Variants in CFAP299 observed in about 807,000 individuals in gnomAD.
CFAP299 encodes the protein cilia- and flagella-associated protein 299.
A neutral mutation model predicts 27.0 loss-of-function variants in CFAP299; 21 were observed. The ratio of observed to expected loss-of-function variants is 0.78; its 90% CI spans 0.55 to 1.12. CFAP299 has a LOEUF of 1.12. Among genes scored for constraint, CFAP299 ranks in the 50% most tolerant of loss-of-function variants. The probability of loss-of-function intolerance (pLI) is 0.00; values close to 1 mark genes in which losing one functional copy is unlikely to be tolerated. For synonymous variants in CFAP299, 104 were observed against 98.1 expected (o/e 1.06, Z -0.36); for missense variants, 310 against 276.6 (o/e 1.12, Z -0.86).
chr4:80,651,368 T>C (rs1329048517), intron 3 of CFAP299, among the ~76,000 whole-genome samples: 1 of 107,434 alleles, frequency 9.3e-6, no homozygotes, highest in Non-Finnish European at 1.8e-5. Context: ...CTTCTTCTTC[T>C]TTTTTTTTTT....
chr4:80,852,595 G>T (rs77892638), intron 3 of CFAP299, among the ~76,000 whole-genome samples: 1 of 152,138 alleles, frequency 6.6e-6, no homozygotes, highest in African/African-American at 2.4e-5. Context: ...ATTAATTTAC[G>T]TGATTCCTTT....
intron 3 of CFAP299, among the ~76,000 whole-genome samples, chr4:80,719,890 C>A (rs1467493935): frequency 6.6e-6 from 1 of 152,144 alleles, no homozygotes; most frequent in African/African-American, 2.4e-5. Context: ...AACTCCATGT[C>A]TTGATAAAAA....
intron 3 of CFAP299, among the ~76,000 whole-genome samples, chr4:80,652,008 A>G (rs2171158): frequency 0.93 from 142,127 of 152,172 alleles, 66,447 homozygotes; most frequent in East Asian, 1. Context: ...TCAAAATGGC[A>G]AATTTGGTTG....
chr4:80,825,546 C>T (rs775461652), intron 3 of CFAP299, among the ~76,000 whole-genome samples: 2 of 151,986 alleles, frequency 1.3e-5, no homozygotes, highest in South Asian at 4.2e-4. Flanking sequence ...AAAGTATCAA[C>T]ATATTTTCCA....
At chr4:80,447,270 G>A (rs1728682923) in intron 2 of CFAP299, among the ~76,000 whole-genome samples, 1 of 143,446 alleles carries the variant, frequency 7.0e-6, no homozygotes, top group South Asian at 2.3e-4. Context: ...CAAGTAGCTG[G>A]GACTACAGGC....
At chr4:80,623,818 G>C (rs930073327) in intron 3 of CFAP299, among the ~76,000 whole-genome samples, 1 of 152,054 alleles carries the variant, frequency 6.6e-6, no homozygotes, top group African/African-American at 2.4e-5. Flanking sequence ...AGAGTCTCTA[G>C]AATCATCCTA....
intron 3 of CFAP299, among the ~76,000 whole-genome samples, chr4:80,732,070 GACAC>G (rs76562370): frequency 0.013 from 1,388 of 110,476 alleles, 21 homozygotes; most frequent in African/African-American, 0.046. Flanking sequence ...CAGACACACA[GACAC>G]ACACACACAC....
intron 3 of CFAP299, among the ~76,000 whole-genome samples, chr4:80,735,929 A>G (rs1178168987): frequency 6.6e-6 from 1 of 151,902 alleles, no homozygotes; most frequent in Non-Finnish European, 1.5e-5. Context: ...TTTTTTTGGT[A>G]TCAGGGTAAT....
intron 4 of CFAP299, among the ~76,000 whole-genome samples, chr4:80,931,307 A>C (rs1360026817): frequency 6.6e-6 from 1 of 152,126 alleles, no homozygotes; most frequent in African/African-American, 2.4e-5. Context: ...ACTACTTTGA[A>C]GCCAGAAAAC....
At chr4:80,728,357 C>T (rs1002866518) in intron 3 of CFAP299, among the ~76,000 whole-genome samples, 9 of 152,048 alleles carry the variant, frequency 5.9e-5, no homozygotes, top group Non-Finnish European at 1.0e-4. Context: ...TGTGGAACAA[C>T]AACAAAAACA....
intron 1 of CFAP299, among the ~76,000 whole-genome samples, chr4:80,343,433 T>A (rs1428307318): frequency 6.6e-6 from 1 of 152,186 alleles, no homozygotes; most frequent in African/African-American, 2.4e-5. Flanking sequence ...AGTAAAACAC[T>A]CTTCAGCAAA....
chr4:80,325,629 T>C, the CFAP299 span, among the ~76,000 whole-genome samples: 1 of 152,226 alleles, frequency 6.6e-6, no homozygotes, highest in African/African-American at 2.4e-5. Context: ...AAATTAGCCA[T>C]TTTAATTCCA....
At chr4:80,866,059 T>TTATGTATATATA (rs1553901533) in intron 3 of CFAP299, among the ~76,000 whole-genome samples, 1 of 58,374 alleles carries the variant, frequency 1.7e-5, no homozygotes, top group Non-Finnish European at 4.5e-5. Context: ...ACTTAAAGTA[T>TTATGTATATATA]TATATATATA....
At chr4:80,720,490 A>G (rs565288033) in intron 3 of CFAP299, among the ~76,000 whole-genome samples, 3 of 152,272 alleles carry the variant, frequency 2.0e-5, no homozygotes, top group East Asian at 3.9e-4. Context: ...GATTAATTAT[A>G]AGTAATTTTA....
At chr4:80,385,060 A>G (rs1467481391) in intron 2 of CFAP299, among the ~76,000 whole-genome samples, 1 of 152,226 alleles carries the variant, frequency 6.6e-6, no homozygotes, top group African/African-American at 2.4e-5. Context: ...AAGCTATTAC[A>G]TATCCATCAT....
At chr4:80,852,740 G>A (rs1731595672) in intron 3 of CFAP299, among the ~76,000 whole-genome samples, 1 of 151,962 alleles carries the variant, frequency 6.6e-6, no homozygotes, top group East Asian at 1.9e-4. Flanking sequence ...ATCATAGTTG[G>A]CCTCATCATC....
chr4:80,742,506 C>A (rs576993737), intron 3 of CFAP299, among the ~76,000 whole-genome samples: 5 of 151,958 alleles, frequency 3.3e-5, no homozygotes, highest in African/African-American at 1.2e-4. Flanking sequence ...GAAAATAAGC[C>A]ATAAAAATCT....
chr4:80,332,177 T>C (rs926622147), upstream of CFAP299, among the ~76,000 whole-genome samples: 1 of 152,202 alleles, frequency 6.6e-6, no homozygotes, highest in African/African-American at 2.4e-5. Context: ...TAATTGACTT[T>C]GGTGAAAATC....
chr4:80,680,130 G>C (rs1719745133), intron 3 of CFAP299, among the ~76,000 whole-genome samples: 1 of 152,020 alleles, frequency 6.6e-6, no homozygotes, highest in Admixed American at 6.6e-5. Context: ...TCTGGAACCA[G>C]AAGTCAACTC....
Sources: gnomAD v4.1 joint callset for allele counts (sites outside exome capture counted in the v4.1 genomes callset) on GRCh38, gnomAD v4.1.1 for gene constraint, MANE v1.5 for transcripts, NCBI Gene and HGNC (gene_info 2026-07-23, HGNC 2026-07-21) for gene names.